The following EDIL3 variants were observed in gnomAD, a reference collection of about 807,000 sequenced individuals.
The protein encoded by EDIL3 is EGF like and discoidin domains 3, also known as EGF-like repeat and discoidin I-like domain-containing protein 3.
A neutral mutation model predicts 67.4 loss-of-function variants in EDIL3; 37 were observed. That is an observed-to-expected ratio of 0.55 (90% CI 0.42 to 0.72). EDIL3 has a LOEUF of 0.72. Ranked by LOEUF, EDIL3 falls within the 30% of genes least tolerant of loss-of-function variation. The pLI, the probability that EDIL3 is intolerant of heterozygous loss-of-function variation, is 0.00. For missense variants in EDIL3, 527 were observed against 586.3 expected, an observed-to-expected ratio of 0.90 and a Z score of 1.04; for synonymous variants, 195 against 196.3, an observed-to-expected ratio of 0.99 and a Z score of 0.05.
intron 4 of EDIL3, among the ~76,000 whole-genome samples, chr5:84,168,133 T>C (rs1407238062): frequency 6.6e-6 from 1 of 152,180 alleles, no homozygotes; most frequent in Non-Finnish European, 1.5e-5. Flanking sequence ...AATCAATCAT[T>C]CTAAAGGCTG....
At position 84,064,695 on chromosome 5, in the gene EDIL3, C is replaced by T. The variant is rs763428925; in HGVS notation, c.952+5G>A. Reference sequence around the variant, plus strand: ...GAATACAGAAATAGTTAATTTGAGACTTACCCGACAGTTCACAGCCAAGAA... The same window carrying T: ...GAATACAGAAATAGTTAATTTGAGATTTACCCGACAGTTCACAGCCAAGAA... On this transcript the variant is annotated splice_donor_5th_base_variant and intron_variant, in intron 8 of 10. Coordinates refer to ENST00000296591, the MANE Select transcript of EDIL3 (RefSeq NM_005711.5). 111 of 1,609,598 alleles carry T rather than the reference C, an allele frequency of 6.9e-5. No homozygotes were observed. Among genetic ancestry groups the T allele is most frequent in the Admixed American group, 2.2e-4 (13 of 59,390 alleles).
chr5:84,350,881 T>C (rs530335375), intron 1 of EDIL3, among the ~76,000 whole-genome samples: 67 of 152,300 alleles, frequency 4.4e-4, no homozygotes, highest in Non-Finnish European at 7.9e-4. Flanking sequence ...TTTAAACATA[T>C]AATCAATATA....
At chr5:84,190,010 G>A (rs964849075) in intron 3 of EDIL3, among the ~76,000 whole-genome samples, 1 of 151,902 alleles carries the variant, frequency 6.6e-6, no homozygotes, top group African/African-American at 2.4e-5. Context: ...TATCATTTTT[G>A]AATTTAGTAA....
At chr5:84,164,543 G>A (rs972443584) in intron 4 of EDIL3, among the ~76,000 whole-genome samples, 1 of 151,994 alleles carries the variant, frequency 6.6e-6, no homozygotes, top group African/African-American at 2.4e-5. Context: ...ACCCCAACTG[G>A]TCAAGTTCAA....
At chr5:84,173,481 C>G (rs1748847304) in intron 4 of EDIL3, among the ~76,000 whole-genome samples, 2 of 152,088 alleles carry the variant, frequency 1.3e-5, no homozygotes, top group South Asian at 4.1e-4. Flanking sequence ...CGACTGCCCC[C>G]CTCTCCCGCC....
chr5:84,085,613 G>A (rs1747055585), intron 6 of EDIL3, among the ~76,000 whole-genome samples: 1 of 152,134 alleles, frequency 6.6e-6, no homozygotes, highest in African/African-American at 2.4e-5. Context: ...TGTGTCTGTC[G>A]ACCCCTGTTG....
intron 4 of EDIL3, among the ~76,000 whole-genome samples, chr5:84,175,580 T>C (rs1230626735): frequency 6.6e-6 from 1 of 152,162 alleles, no homozygotes; most frequent in Non-Finnish European, 1.5e-5. Flanking sequence ...CTCAACAGTG[T>C]CAAGGTCTCA....
intron 4 of EDIL3, among the ~76,000 whole-genome samples, chr5:84,154,803 G>A (rs1748462117): frequency 6.7e-6 from 1 of 148,828 alleles, no homozygotes; most frequent in African/African-American, 2.5e-5. Context: ...AGGTTCAAGC[G>A]ATTCTCCTGC....
At chr5:84,126,066 G>A (rs530552544) in intron 5 of EDIL3, among the ~76,000 whole-genome samples, 22 of 152,090 alleles carry the variant, frequency 1.4e-4, no homozygotes, top group Non-Finnish European at 2.4e-4. Flanking sequence ...CTGCACAGTT[G>A]AGGAGAAGCA....
At chr5:84,169,475 T>A (rs1748770912) in intron 4 of EDIL3, among the ~76,000 whole-genome samples, 2 of 151,962 alleles carry the variant, frequency 1.3e-5, no homozygotes, top group African/African-American at 2.4e-5. Flanking sequence ...GTATGTGTCA[T>A]CACAGTCAAT....
intron 5 of EDIL3, among the ~76,000 whole-genome samples, chr5:84,135,610 A>C (rs1354715007): frequency 6.6e-6 from 1 of 152,208 alleles, no homozygotes; most frequent in Non-Finnish European, 1.5e-5. Context: ...CAGGCCAAAG[A>C]GAAGCTGAAC....
At chr5:84,113,865 T>C (rs1312400374) in intron 5 of EDIL3, among the ~76,000 whole-genome samples, 1 of 152,196 alleles carries the variant, frequency 6.6e-6, no homozygotes, top group Admixed American at 6.5e-5. Context: ...TCTCCGAGCA[T>C]CTCATCTTAT....
chr5:84,101,264 T>A (rs886315465), intron 6 of EDIL3, among the ~76,000 whole-genome samples: 1 of 152,108 alleles, frequency 6.6e-6, no homozygotes, highest in Non-Finnish European at 1.5e-5. Context: ...TCTTTAAAGT[T>A]CTGACAACTT....
At chr5:83,964,616 C>T (rs566722595) in intron 9 of EDIL3, among the ~76,000 whole-genome samples, 11 of 152,048 alleles carry the variant, frequency 7.2e-5, no homozygotes, top group African/African-American at 2.6e-4. Flanking sequence ...CACAGATGCC[C>T]ATCAGCAAAG....
chr5:84,166,644 G>A (rs1465464731), intron 4 of EDIL3, among the ~76,000 whole-genome samples: 1 of 152,140 alleles, frequency 6.6e-6, no homozygotes, highest in Non-Finnish European at 1.5e-5. Flanking sequence ...ATAAAATGTG[G>A]CAGATGGTGA....
chr5:84,383,715 G>T (rs1719145025), intron 1 of EDIL3, among the ~76,000 whole-genome samples: 1 of 152,154 alleles, frequency 6.6e-6, no homozygotes, highest in Admixed American at 6.5e-5. Context: ...CCTCTGGGAT[G>T]GGGAGGCAGG....
intron 1 of EDIL3, among the ~76,000 whole-genome samples, chr5:84,258,970 CTTTTTTTTTTT>C (rs144344642): frequency 1.3e-5 from 1 of 77,924 alleles, no homozygotes; most frequent in African/African-American, 5.5e-5. Flanking sequence ...TTCGTAGAGT[CTTTTTTTTTTT>C]TTTTTTTTTT....
At chr5:83,996,846 T>A (rs1018677401) in intron 9 of EDIL3, among the ~76,000 whole-genome samples, 1 of 152,200 alleles carries the variant, frequency 6.6e-6, no homozygotes, top group East Asian at 1.9e-4. Flanking sequence ...GCAACTGATA[T>A]AAATACAGAA....
intron 3 of EDIL3, among the ~76,000 whole-genome samples, chr5:84,206,048 T>G (rs1267606585): frequency 2.0e-5 from 3 of 151,778 alleles, no homozygotes; most frequent in Non-Finnish European, 4.4e-5. Flanking sequence ...TTGTGGGCAT[T>G]TAGTGCTATA....
Sources: allele counts gnomAD v4.1 joint callset (sites outside exome capture counted in the v4.1 genomes callset), GRCh38; gene constraint gnomAD v4.1.1; transcripts MANE v1.5; gene names NCBI Gene and HGNC (gene_info 2026-07-23, HGNC 2026-07-21).